The following ZNF544 variants were observed in gnomAD, a reference collection of about 807,000 sequenced individuals.
The protein encoded by ZNF544 is zinc finger protein 544.
In ZNF544, 10 loss-of-function variants were observed where a neutral mutation model predicts 13.5. The observed-to-expected ratio is 0.74, with a 90% confidence interval of 0.46 to 1.25. The LOEUF (loss-of-function observed/expected upper bound fraction) is 1.25. Among genes scored for constraint, ZNF544 ranks in the 50% most tolerant of loss-of-function variants. The pLI is 0.00. For missense variants in ZNF544, 896 were observed against 845.6 expected (o/e 1.06, Z -0.74); for synonymous variants, 323 against 300.5 (o/e 1.07, Z -0.77).
In ZNF544 at chr19:58,262,044, G is replaced by A; in HGVS notation, c.1438G>A (p.Val480Ile). The change falls in exon 7 of 7, where the codon GTT (valine) becomes ATT (isoleucine). Residue 480 changes from valine (V) to isoleucine (I), a missense_variant. Coordinates refer to ENST00000687789, the MANE Select transcript of ZNF544 (RefSeq NM_014480.4). ...GKSFSQSYEL[V>I]THKRTHTGEK... Reference sequence around the variant, plus strand: ...GTCCTTCAGCCAAAGCTATGAGTTAGTTACACATAAAAGAACGCACACTGG... The same window carrying A: ...GTCCTTCAGCCAAAGCTATGAGTTAATTACACATAAAAGAACGCACACTGG... 5.6e-6 allele frequency: 9 copies of A among 1,610,380 alleles called. No homozygotes were observed. In the South Asian group the frequency reaches 9.9e-5, roughly 18 times the overall value.
At chr19:58,277,355 A>C in exon 7 of ZNF544, 1 of 866,754 alleles carries the variant, frequency 1.2e-6, no homozygotes, top group Non-Finnish European at 1.5e-6. Context: ...CCCCTTCAAC[A>C]CGGTGTGAAG....
chr19:58,270,323 T>TTTA, intron 5 of ZNF544, among the ~76,000 whole-genome samples: 6 of 151,564 alleles, frequency 4.0e-5, no homozygotes, highest in African/African-American at 4.9e-5. Context: ...TCTTTTTTTT[T>TTTA]GAGAAGGAGT....
In ZNF544 at chr19:58,275,804, GA is replaced by G. The variant is rs2051176925; in HGVS notation, c.245-516del. On this transcript the variant is annotated intron_variant, in intron 5 of 6. Transcript: ENST00000595981. ...GTCTCAAAAAAAAAAAAAAAAAAAG[GA>G]AAGAGGAAATAATAGGACATCAAAA... 3.7e-5 allele frequency among the ~76,000 whole-genome samples: 2 copies of G among 53,436 alleles called. 1 individual carries two copies. Among genetic ancestry groups the G allele is most frequent in the East Asian group, 1.2e-3 (2 of 1,736 alleles). The allele number at this position is 53,436 out of a possible 152,430, so 35.1% of individuals were successfully genotyped here. A position where few individuals can be genotyped will look rare whatever the true frequency, so the allele number is the denominator to read the frequency against.
chr19:58,253,840 T>G (rs1378042170), intron 6 of ZNF544, among the ~76,000 whole-genome samples: 1 of 152,248 alleles, frequency 6.6e-6, no homozygotes, highest in Non-Finnish European at 1.5e-5. Context: ...CACTGACACC[T>G]TAAAATATCT....
intron 3 of ZNF544, among the ~76,000 whole-genome samples, chr19:58,237,062 C>CTT (rs869237830): frequency 1.1e-4 from 15 of 133,340 alleles, no homozygotes; most frequent in African/African-American, 3.6e-4. Context: ...AACTTTTTAC[C>CTT]TTTTTTTTTT....
chr19:58,246,196 T>A (rs2045166654), intron 4 of ZNF544, 105 bp from the exon 5 acceptor site: 2 of 1,477,368 alleles, frequency 1.4e-6, no homozygotes, highest in Admixed American at 1.7e-5. Flanking sequence ...TAGGTTCCAA[T>A]GTATGAATTT....
intron 3 of ZNF544, among the ~76,000 whole-genome samples, chr19:58,231,535 C>G (rs960166394): frequency 6.6e-6 from 1 of 152,104 alleles, no homozygotes; most frequent in African/African-American, 2.4e-5. Context: ...AAGCTGAGAT[C>G]ATAGGCCCCG....
At position 58,262,734 on chromosome 19, in the gene ZNF544, C is replaced by A. The variant is rs760805288; in HGVS notation, c.2128C>A (p.His710Asn). ...QSQLVVHRRT[H>N]TGEKP ...TCAACTTGTAGTGCATCGGCGGACA[C>A]ATACTGGAGAGAAACCTTAGGAGTG... Residue 710 changes from histidine to asparagine, a missense_variant, in exon 7 of 7, where the codon CAT becomes AAT. Coordinates refer to ENST00000687789, the MANE Select transcript of ZNF544 (RefSeq NM_014480.4). The A allele has an allele frequency of 7.7e-5, 123 of 1,601,858 alleles. No homozygotes were observed. Among genetic ancestry groups the A allele is most frequent in the Non-Finnish European group, 9.7e-5 (114 of 1,172,330 alleles).
intron 5 of ZNF544, among the ~76,000 whole-genome samples, chr19:58,275,716 T>C (rs2051158938): frequency 7.0e-6 from 1 of 143,116 alleles, no homozygotes. Context: ...GCCCAAGAGG[T>C]TGAAGCTGCA....
rs1283583921 is a variant in ZNF544 at position 58,261,242 on chromosome 19, C to T, written c.636C>T (p.His212=). ...NHEKNGADGK[H]CESHQCARAF... ...AGAAAAATGGAGCAGATGGGAAGCA[C>T]TGTGAGAGTCATCAGTGTGCTAGAG... Residue 212 remains histidine (H), a synonymous_variant, in exon 7 of 7, where the codon CAC becomes CAT. Coordinates refer to ENST00000687789, the MANE Select transcript of ZNF544 (RefSeq NM_014480.4). The T allele has an allele frequency of 1.2e-6, 2 of 1,614,162 alleles. No individual in the cohort carries two copies. Among genetic ancestry groups the T allele is most frequent in the African/African-American group, 1.3e-5 (1 of 75,042 alleles).
intron 6 of ZNF544, among the ~76,000 whole-genome samples, chr19:58,276,967 A>G (rs1261093610): frequency 6.6e-6 from 1 of 152,202 alleles, no homozygotes; most frequent in African/African-American, 2.4e-5. Flanking sequence ...GGATTAAAGC[A>G]GAGGGGACTT....
intron 3 of ZNF544, among the ~76,000 whole-genome samples, chr19:58,241,664 T>G (rs1019830275): frequency 1.3e-5 from 2 of 151,762 alleles, no homozygotes; most frequent in Non-Finnish European, 2.9e-5. Flanking sequence ...ACCGGCTAAT[T>G]TTTTTGTATT....
At chr19:58,229,433 C>T (rs2040723356) in intron 1 of ZNF544, 35 bp from the exon 2 acceptor site, 1 of 152,230 alleles carries the variant, frequency 6.6e-6, no homozygotes. Flanking sequence ...GCTCCTTTTT[C>T]CTCCCTCAAC....
At chr19:58,275,540 G>A (rs2051147635) in intron 5 of ZNF544, among the ~76,000 whole-genome samples, 1 of 151,958 alleles carries the variant, frequency 6.6e-6, no homozygotes, top group African/African-American at 2.4e-5. Context: ...AATAGGCTGG[G>A]CACCGTTTTT....
rs2045205346 is a variant in ZNF544, at chr19:58,246,301, G to A, written c.34G>A (p.Ala12Thr). ...EARSMLVPPQ[A>T]SVCFEDVAMA... is the part of the protein sequence containing the mutation. ...AGCAGTAACAAGTGCCCTGTTTCAG[G>A]CATCTGTGTGCTTCGAGGATGTGGC... Residue 12 changes from alanine (A) to threonine (T), a missense_variant and splice_region_variant, in exon 5 of 7, where the codon GCA becomes ACA. Physicochemically the swap from Ala to Thr is moderately conservative, Grantham distance 58 (BLOSUM62 0). Transcript: ENST00000687789. 1.2e-6 allele frequency: 2 copies of A among 1,613,998 alleles called. No individual in the cohort carries two copies. Among genetic ancestry groups the A allele is most frequent in the African/African-American group, 2.7e-5 (2 of 75,030 alleles).
intron 3 of ZNF544, among the ~76,000 whole-genome samples, chr19:58,243,335 G>A (rs1425086309): frequency 6.6e-6 from 1 of 151,824 alleles, no homozygotes; most frequent in Non-Finnish European, 1.5e-5. Flanking sequence ...TGTGTGGAAG[G>A]GTTTGGTGCC....
intron 3 of ZNF544, among the ~76,000 whole-genome samples, chr19:58,241,360 T>C (rs1019716178): frequency 1.3e-5 from 2 of 150,678 alleles, no homozygotes; most frequent in East Asian, 2.0e-4. Flanking sequence ...GGTAAATGTG[T>C]ACATACACCA....
At position 58,246,810 on chromosome 19, in the gene ZNF544, G is replaced by T; in HGVS notation, c.244+16G>T. On this transcript the variant is annotated intron_variant, in intron 6 of 6. Coordinates refer to ENST00000687789, the MANE Select transcript of ZNF544 (RefSeq NM_014480.4). ...GCCCCCCGAGGTAAGAGCAGACCTTGTGGTGAGCAGCTCAACGTTTAACAA... is the reference window on the plus strand; with the variant it reads ...GCCCCCCGAGGTAAGAGCAGACCTTTTGGTGAGCAGCTCAACGTTTAACAA... The T allele has an allele frequency of 6.2e-7, 1 of 1,611,734 alleles. No homozygotes were observed. Among genetic ancestry groups the T allele is most frequent in the Non-Finnish European group, 8.5e-7 (1 of 1,178,326 alleles).
rs1600269002 is a variant in ZNF544, at chr19:58,243,952, T to C, written c.-59-13T>C. ...AGCCGAGGGGCTGAATCTCTGCTTG[T>C]TTTCCACCCCAGACTGGTCTTCTGA... On this transcript the variant is annotated splice_polypyrimidine_tract_variant and intron_variant, in intron 3 of 6. Coordinates refer to ENST00000687789, the MANE Select transcript of ZNF544 (RefSeq NM_014480.4). 11 of 1,540,864 alleles carry C rather than the reference T, an allele frequency of 7.1e-6. No individual in the cohort carries two copies. In the Admixed American group the frequency reaches 2.2e-4, roughly 31 times the overall value.
Sources: gnomAD v4.1 joint callset for allele counts (sites outside exome capture counted in the v4.1 genomes callset) on GRCh38, gnomAD v4.1.1 for gene constraint, MANE v1.5 for transcripts, NCBI Gene and HGNC (gene_info 2026-07-23, HGNC 2026-07-21) for gene names.